ARMC3: variants seen among roughly 807,000 people sequenced by gnomAD.
ARMC3 encodes the protein armadillo repeat containing 3, also known as armadillo repeat-containing protein 3.
A neutral mutation model predicts 90.3 loss-of-function variants in ARMC3; 74 were observed. That is an observed-to-expected ratio of 0.82 (90% confidence interval 0.68 to 0.99). ARMC3 has a LOEUF of 0.99. Among genes scored for constraint, ARMC3 ranks in the 50% least tolerant of loss-of-function variants. The pLI is 0.00. For missense variants in ARMC3, 958 were observed against 1,042.8 expected, an observed-to-expected ratio of 0.92 and a Z score of 1.12; for synonymous variants, 334 against 361.8, an observed-to-expected ratio of 0.92 and a Z score of 0.87.
In ARMC3 at chr10:22,955,905, A is replaced by C; in HGVS notation, c.265A>C (p.Met89Leu). The change falls in exon 4 of 19, where the codon ATG becomes CTG. Residue 89 changes from methionine to leucine, a missense_variant. Met to Leu is a conservative substitution (Grantham distance 15). Transcript: ENST00000298032. ...CAAAATTGTAAGAAGAAATGCTACT[A>C]TGATATTTGGAATCCTGGCTTCTAA... ...EDKIVRRNAT[M>L]IFGILASNND... is the part of the protein sequence containing the mutation. 6.2e-7 allele frequency: 1 copy of C among 1,609,414 alleles called. No individual in the cohort carries two copies. The highest frequency in any genetic ancestry group is 1.7e-4 in the Middle Eastern group (1 of 6,054).
intron 16 of ARMC3, among the ~76,000 whole-genome samples, chr10:23,024,393 C>CATAGATAGATAGATAG (rs546077538): frequency 1.2e-4 from 16 of 133,540 alleles, no homozygotes; most frequent in African/African-American, 3.8e-4. Flanking sequence ...AGGAATGCCA[C>CATAGATAGATAGATAG]ATAGATAGAT....
At chr10:23,004,400 A>C (rs1205547582) in intron 13 of ARMC3, among the ~76,000 whole-genome samples, 1 of 152,140 alleles carries the variant, frequency 6.6e-6, no homozygotes, top group Non-Finnish European at 1.5e-5. Context: ...AGCTGCCAAG[A>C]TCAGGCAGAA....
chr10:23,025,075 C>T (rs1423539181), intron 16 of ARMC3, among the ~76,000 whole-genome samples: 1 of 151,946 alleles, frequency 6.6e-6, no homozygotes, highest in Non-Finnish European at 1.5e-5. Context: ...GTGAACCAAA[C>T]AACAAAGCCT....
In ARMC3 at chr10:22,968,409, T is replaced by C; in HGVS notation, c.836T>C (p.Leu279Pro). The C allele has an allele frequency of 5.0e-6, 8 of 1,613,114 alleles. No individual in the cohort carries two copies. Among genetic ancestry groups the C allele is most frequent in the Non-Finnish European group, 5.9e-6 (7 of 1,179,668 alleles). ...QIQQTGGLKK[L>P]LSFAENSTIP... ...CAGCAGACAGGGGGTCTTAAAAAGC[T>C]CCTGTCATTTGCAGAAAACTCTACA... is the stretch of plus-strand genomic sequence containing the variant. The change falls in exon 8 of 19, where the codon CTC becomes CCC. Residue 279 changes from leucine (L) to proline (P), a missense_variant. Transcript: ENST00000298032.
At chr10:22,930,366 T>C (rs1403806142) in intron 1 of ARMC3, among the ~76,000 whole-genome samples, 1 of 152,238 alleles carries the variant, frequency 6.6e-6, no homozygotes, top group Non-Finnish European at 1.5e-5. Context: ...TTTTATTACA[T>C]TTGAAAACAA....
At chr10:23,002,570 CTTT>C (rs1564385655) in intron 12 of ARMC3, among the ~76,000 whole-genome samples, 14 of 143,892 alleles carry the variant, frequency 9.7e-5, no homozygotes, top group Admixed American at 4.1e-4. Flanking sequence ...TTCTTTCTTT[CTTT>C]CTTTCTTTCT....
intron 7 of ARMC3, among the ~76,000 whole-genome samples, chr10:22,965,032 A>G (rs1835388852): frequency 6.6e-6 from 1 of 152,196 alleles, no homozygotes; most frequent in African/African-American, 2.4e-5. Context: ...GAAGAGTCCT[A>G]TATCATGTGT....
chr10:22,997,920 A>G (rs1194985053), intron 10 of ARMC3, among the ~76,000 whole-genome samples: 3 of 152,212 alleles, frequency 2.0e-5, no homozygotes, highest in African/African-American at 4.8e-5. Context: ...TTCTATAACC[A>G]AAAGCTGTAC....
rs1037535394 is a variant in ARMC3 at position 23,019,145 on chromosome 10, C to T, written c.2045+10214C>T. Among the ~76,000 whole-genome samples, 9 of 152,268 alleles carry T rather than the reference C, an allele frequency of 5.9e-5. No individual in the cohort carries two copies. The East Asian group carries it at 9.7e-4, about 16-fold the overall frequency. On this transcript the variant is annotated intron_variant, in intron 16 of 18. Coordinates refer to ENST00000298032, the MANE Select transcript of ARMC3 (RefSeq NM_173081.5). ...CCAGCTCAGAAGTATTTTAACGAAA[C>T]GATGATTGTCTCCTTTGCTACTGAA...
intron 16 of ARMC3, chr10:23,014,273 G>A (rs1838165690): frequency 6.8e-7 from 1 of 1,470,966 alleles, no homozygotes; most frequent in East Asian, 2.5e-5. Flanking sequence ...GAGAGATGGT[G>A]TCAGGAAAGT....
intron 14 of ARMC3, among the ~76,000 whole-genome samples, chr10:23,007,481 C>G (rs1464477236): frequency 6.6e-6 from 1 of 152,076 alleles, no homozygotes; most frequent in Non-Finnish European, 1.5e-5. Flanking sequence ...CCGAGGCGGG[C>G]AGATCACGAG....
chr10:22,986,121 G>A (rs1207300378), intron 10 of ARMC3, among the ~76,000 whole-genome samples: 5 of 22,870 alleles, frequency 2.2e-4, no homozygotes, highest in African/African-American at 7.2e-4. Flanking sequence ...CCCCCCCCCC[G>A]CGCCACACAC....
intron 2 of ARMC3, among the ~76,000 whole-genome samples, chr10:22,940,705 T>A (rs1005476780): frequency 6.6e-6 from 1 of 152,156 alleles, no homozygotes; most frequent in Non-Finnish European, 1.5e-5. Flanking sequence ...AGGCTGGTCT[T>A]GAATTCTCGG....
intron 16 of ARMC3, among the ~76,000 whole-genome samples, chr10:23,019,455 C>T (rs1414414916): frequency 6.6e-6 from 1 of 152,212 alleles, no homozygotes; most frequent in Non-Finnish European, 1.5e-5. Flanking sequence ...TCATCACAAT[C>T]AGGATACAAA....
intron 13 of ARMC3, among the ~76,000 whole-genome samples, chr10:23,004,803 C>T (rs187396476): frequency 1.3e-5 from 2 of 152,268 alleles, no homozygotes; most frequent in East Asian, 3.9e-4. Context: ...CTCCTGCCAC[C>T]ACTGCCGTAC....
chr10:23,025,986 T>C (rs1384714605), intron 16 of ARMC3, among the ~76,000 whole-genome samples: 3 of 152,110 alleles, frequency 2.0e-5, no homozygotes, highest in Non-Finnish European at 2.9e-5. Flanking sequence ...TTAGATGCAA[T>C]GAATGGACCA....
Position 22,946,277 on chromosome 10 carries a change from A to G in ARMC3, c.166+16A>G. 6.6e-7 allele frequency: 1 copy of G among 1,513,118 alleles called. No homozygotes were observed. The highest frequency in any genetic ancestry group is 9.1e-7 in the Non-Finnish European group (1 of 1,095,034). 93.7% of individuals were successfully genotyped at this position (1,513,118 alleles called of 1,614,324 possible). On this transcript the variant is annotated intron_variant, in intron 3 of 18. Coordinates refer to ENST00000298032, the MANE Select transcript of ARMC3 (RefSeq NM_173081.5). ...GCTTTAAAAGGTTTGGATTTTTTTC[A>G]GTTTATCTTTCTGTTTCATTAATTT...
At position 22,959,154 on chromosome 10, in the gene ARMC3, A is replaced by T. The variant is rs369710112; in HGVS notation, c.361+16A>T. On this transcript the variant is annotated intron_variant, in intron 5 of 18. Transcript: ENST00000298032. Reference sequence around the variant, plus strand: ...GCTCCAGAAGGTAACTTTGCATTCTATATCTGTTTTAAAAAATGGAACTGG... The same window carrying T: ...GCTCCAGAAGGTAACTTTGCATTCTTTATCTGTTTTAAAAAATGGAACTGG... 7 of 1,602,090 alleles carry T rather than the reference A, an allele frequency of 4.4e-6. No homozygotes were observed. The African/African-American group carries it at 9.4e-5, about 21-fold the overall frequency.
At chr10:22,949,930 A>C (rs1834677936) in intron 3 of ARMC3, among the ~76,000 whole-genome samples, 1 of 152,300 alleles carries the variant, frequency 6.6e-6, no homozygotes, top group Admixed American at 6.5e-5. Context: ...ATTATAAATA[A>C]GGATGATTTA....
Sources: gnomAD v4.1 joint callset for allele counts (sites outside exome capture counted in the v4.1 genomes callset) on GRCh38, gnomAD v4.1.1 for gene constraint, MANE v1.5 for transcripts, NCBI Gene and HGNC (gene_info 2026-07-23, HGNC 2026-07-21) for gene names.